The following NEDD4L variants were observed in gnomAD, a reference collection of about 807,000 sequenced individuals.
NEDD4L encodes the protein E3 ubiquitin-protein ligase NEDD4-like.
A neutral mutation model predicts 148.9 loss-of-function variants in NEDD4L; 54 were observed. The ratio of observed to expected loss-of-function variants is 0.36; its 90% CI spans 0.29 to 0.45. The LOEUF (loss-of-function observed/expected upper bound fraction) is 0.45. Ranked by LOEUF, NEDD4L falls within the 20% of genes least tolerant of loss-of-function variation. NEDD4L has a pLI of 1.00. For missense variants in NEDD4L, 856 were observed against 1,233.8 expected, an observed-to-expected ratio of 0.69 and a Z score of 4.59; for synonymous variants, 433 against 440.7, an observed-to-expected ratio of 0.98 and a Z score of 0.22.
chr18:58,393,500 T>C (rs2050095766), intron 30 of NEDD4L, among the ~76,000 whole-genome samples: 1 of 152,208 alleles, frequency 6.6e-6, no homozygotes, highest in Non-Finnish European at 1.5e-5. Context: ...GAACTTATTT[T>C]CCTCTTTATG....
At chr18:58,379,019 C>G (rs1236730752) in intron 24 of NEDD4L, among the ~76,000 whole-genome samples, 1 of 152,224 alleles carries the variant, frequency 6.6e-6, no homozygotes. Flanking sequence ...TCTTGCTGAG[C>G]GCCTGCTGTG....
intron 1 of NEDD4L, among the ~76,000 whole-genome samples, chr18:58,078,059 A>G (rs1014633): frequency 1.9e-4 from 28 of 150,812 alleles, no homozygotes; most frequent in African/African-American, 6.3e-4. Flanking sequence ...CTTGCTCCAG[A>G]TGACTCCAGA....
intron 1 of NEDD4L, chr18:58,149,624 C>A: frequency 1.0e-6 from 1 of 992,530 alleles, no homozygotes; most frequent in Non-Finnish European, 1.6e-6. Context: ...CATTCTGAAG[C>A]TCTCCACATC....
intron 2 of NEDD4L, among the ~76,000 whole-genome samples, chr18:58,232,469 T>G (rs764827389): frequency 6.6e-6 from 1 of 152,210 alleles, no homozygotes; most frequent in African/African-American, 2.4e-5. Context: ...GCCAAGACTT[T>G]TAATGCTGAT....
chr18:58,333,277 T>G (rs1261776828), intron 11 of NEDD4L, among the ~76,000 whole-genome samples: 2 of 147,162 alleles, frequency 1.4e-5, no homozygotes, highest in Non-Finnish European at 3.0e-5. Context: ...GACTCTATAT[T>G]TAAAAAAAAA....
intron 5 of NEDD4L, among the ~76,000 whole-genome samples, chr18:58,269,695 A>C (rs961362816): frequency 3.3e-5 from 5 of 152,084 alleles, no homozygotes; most frequent in African/African-American, 1.2e-4. Context: ...AAACTGATTT[A>C]AGAAGTTAAT....
At chr18:58,195,719 C>A (rs769361018) in intron 2 of NEDD4L, 11 of 1,351,984 alleles carry the variant, frequency 8.1e-6, no homozygotes, top group Non-Finnish European at 1.1e-5. Flanking sequence ...ACGAGCTCTT[C>A]CTGCCTGGAA....
At chr18:58,373,405 T>C (rs2047149776) in intron 24 of NEDD4L, 136 bp downstream of exon 24, 1 of 624,912 alleles carries the variant, frequency 1.6e-6, no homozygotes, top group Non-Finnish European at 2.9e-6. Context: ...CATCTCATTG[T>C]AGCAGCACCT....
At chr18:58,052,317 A>G (rs1449238754) in intron 1 of NEDD4L, among the ~76,000 whole-genome samples, 1 of 152,204 alleles carries the variant, frequency 6.6e-6, no homozygotes, top group Non-Finnish European at 1.5e-5. Context: ...TGTTTCATGA[A>G]TAATAGAATC....
At chr18:58,361,747 CAG>C (rs1233855012) in intron 19 of NEDD4L, among the ~76,000 whole-genome samples, 1 of 152,136 alleles carries the variant, frequency 6.6e-6, no homozygotes, top group Non-Finnish European at 1.5e-5. Context: ...AACAGGAACA[CAG>C]ATTTAATGCA....
intron 1 of NEDD4L, among the ~76,000 whole-genome samples, chr18:58,051,963 T>A (rs1052640096): frequency 1.3e-5 from 2 of 152,304 alleles, no homozygotes; most frequent in East Asian, 3.9e-4. Flanking sequence ...ATTTTCAGAC[T>A]ATAGGTGGCA....
intron 18 of NEDD4L, among the ~76,000 whole-genome samples, chr18:58,355,998 C>T (rs772210579): frequency 9.8e-5 from 15 of 152,312 alleles, no homozygotes; most frequent in South Asian, 2.1e-4. Context: ...AGGTGCAGAT[C>T]GGGCTGGAGC....
intron 5 of NEDD4L, among the ~76,000 whole-genome samples, chr18:58,298,151 C>G (rs1378823834): frequency 1.3e-5 from 2 of 152,204 alleles, no homozygotes; most frequent in Non-Finnish European, 2.9e-5. Flanking sequence ...GATAATATGC[C>G]CTACCGTTTT....
At chr18:58,243,252 T>G (rs1208548443) in intron 2 of NEDD4L, among the ~76,000 whole-genome samples, 1 of 152,224 alleles carries the variant, frequency 6.6e-6, no homozygotes, top group Admixed American at 6.5e-5. Flanking sequence ...GGATTCTGTA[T>G]GTGCGTGTGT....
At chr18:58,317,514 A>G (rs2058400472) in intron 6 of NEDD4L, among the ~76,000 whole-genome samples, 1 of 152,200 alleles carries the variant, frequency 6.6e-6, no homozygotes, top group Non-Finnish European at 1.5e-5. Flanking sequence ...CTGAGAGGCA[A>G]ATATTCTAAT....
At chr18:58,268,950 C>T (rs973197332) in intron 5 of NEDD4L, among the ~76,000 whole-genome samples, 1 of 151,974 alleles carries the variant, frequency 6.6e-6, no homozygotes, top group African/African-American at 2.4e-5. Flanking sequence ...CAAGGTATGG[C>T]CTTCAGTGAC....
At chr18:58,140,132 A>G (rs534609837) in intron 1 of NEDD4L, among the ~76,000 whole-genome samples, 1 of 152,106 alleles carries the variant, frequency 6.6e-6, no homozygotes, top group Non-Finnish European at 1.5e-5. Context: ...TGGAGCAATG[A>G]CATACCTATA....
At chr18:58,178,564 G>A (rs569659808) in intron 2 of NEDD4L, among the ~76,000 whole-genome samples, 39 of 152,252 alleles carry the variant, frequency 2.6e-4, no homozygotes, top group African/African-American at 8.9e-4. Flanking sequence ...CGGAATATTC[G>A]TTGGACTTAT....
At chr18:58,228,926 C>T (rs1455018345) in intron 2 of NEDD4L, among the ~76,000 whole-genome samples, 2 of 152,182 alleles carry the variant, frequency 1.3e-5, no homozygotes, top group Non-Finnish European at 2.9e-5. Flanking sequence ...CTACTCCCAC[C>T]AGCTGTACTG....
Sources: gnomAD v4.1 joint callset for allele counts (sites outside exome capture counted in the v4.1 genomes callset) on GRCh38, gnomAD v4.1.1 for gene constraint, MANE v1.5 for transcripts, NCBI Gene and HGNC (gene_info 2026-07-23, HGNC 2026-07-21) for gene names.